The following ASTN2 variants were observed in gnomAD, a reference collection of about 807,000 sequenced individuals.
ASTN2 encodes astrotactin 2, also known as astrotactin-2.
In ASTN2, 54 loss-of-function variants were observed where a neutral mutation model predicts 139.8. The ratio of observed to expected loss-of-function variants is 0.39; its 90% CI spans 0.31 to 0.48. The LOEUF is 0.48. Among genes scored for constraint, ASTN2 ranks in the 20% least tolerant of loss-of-function variants. ASTN2 has a pLI of 0.95. For missense variants in ASTN2, 1,565 were observed against 1,725.1 expected, an observed-to-expected ratio of 0.91 and a Z score of 1.64; for synonymous variants, 756 against 719.5, an observed-to-expected ratio of 1.05 and a Z score of -0.81.
chr9:116,896,016 T>C (rs181038919), intron 10 of ASTN2, among the ~76,000 whole-genome samples: 4 of 152,120 alleles, frequency 2.6e-5, no homozygotes, highest in African/African-American at 9.7e-5. Flanking sequence ...GACAAACAAA[T>C]AAACAAATAG....
intron 3 of ASTN2, among the ~76,000 whole-genome samples, chr9:117,161,856 TTC>T (rs1217656740): frequency 9.4e-6 from 1 of 106,124 alleles, no homozygotes; most frequent in Non-Finnish European, 2.2e-5. Flanking sequence ...TCACACATTT[TTC>T]TTTTTCTTTT....
At chr9:116,500,728 T>C (rs987617537) in intron 19 of ASTN2, among the ~76,000 whole-genome samples, 2 of 152,198 alleles carry the variant, frequency 1.3e-5, no homozygotes, top group African/African-American at 4.8e-5. Flanking sequence ...AATGTGAAAA[T>C]ATCTATCTCT....
intron 16 of ASTN2, among the ~76,000 whole-genome samples, chr9:116,704,079 C>T (rs141857593): frequency 6.1e-4 from 93 of 152,266 alleles, no homozygotes; most frequent in African/African-American, 2.1e-3. Context: ...AGAAGATCAC[C>T]GGCCTTGAAG....
chr9:117,051,795 G>A (rs1006557305), intron 5 of ASTN2, among the ~76,000 whole-genome samples: 34 of 152,226 alleles, frequency 2.2e-4, no homozygotes, highest in Non-Finnish European at 3.1e-4. Flanking sequence ...GGACAGCCAC[G>A]TTCACAGTCA....
intron 10 of ASTN2, among the ~76,000 whole-genome samples, chr9:116,871,960 C>T (rs867713548): frequency 7.9e-5 from 12 of 152,182 alleles, no homozygotes; most frequent in Middle Eastern, 3.4e-3. Context: ...CAGTATGAGA[C>T]CTTGGGCAAG....
At chr9:117,211,196 G>C (rs1457846650) in intron 3 of ASTN2, among the ~76,000 whole-genome samples, 2 of 152,022 alleles carry the variant, frequency 1.3e-5, no homozygotes, top group African/African-American at 2.4e-5. Flanking sequence ...GCAACAGAAA[G>C]AAATGACAAA....
intron 1 of ASTN2, among the ~76,000 whole-genome samples, chr9:117,356,076 C>T (rs867777250): frequency 2.0e-4 from 31 of 152,110 alleles, no homozygotes; most frequent in Admixed American, 1.4e-3. Context: ...AATTCATTGC[C>T]GTCATCCCCA....
intron 16 of ASTN2, among the ~76,000 whole-genome samples, chr9:116,706,913 G>C (rs1450638637): frequency 3.3e-5 from 5 of 151,948 alleles, no homozygotes; most frequent in Admixed American, 2.6e-4. Flanking sequence ...TTAAGAACAA[G>C]AATAAAGTGG....
chr9:117,199,313 G>T (rs536904956), intron 3 of ASTN2, among the ~76,000 whole-genome samples: 59 of 152,164 alleles, frequency 3.9e-4, no homozygotes, highest in Non-Finnish European at 7.6e-4. Context: ...TTTGTATAAG[G>T]TGTAAGGAAG....
intron 7 of ASTN2, among the ~76,000 whole-genome samples, chr9:116,997,253 C>T (rs1431360719): frequency 4.6e-5 from 7 of 152,094 alleles, no homozygotes; most frequent in East Asian, 3.9e-4. Flanking sequence ...TTTGCAGGCT[C>T]CCTGAAATTT....
At chr9:116,460,863 G>A (rs568341399) in intron 20 of ASTN2, among the ~76,000 whole-genome samples, 68 of 152,238 alleles carry the variant, frequency 4.5e-4, no homozygotes, top group South Asian at 1.5e-3. Context: ...ATTCTGTAGC[G>A]TAGATAAGAT....
intron 3 of ASTN2, among the ~76,000 whole-genome samples, chr9:117,199,606 T>C (rs1831633827): frequency 1.3e-5 from 2 of 151,840 alleles, no homozygotes; most frequent in African/African-American, 2.4e-5. Flanking sequence ...CTTGGCTACA[T>C]GGGTTCTTCT....
At chr9:116,580,025 T>C (rs1156568322) in intron 19 of ASTN2, among the ~76,000 whole-genome samples, 18 of 152,172 alleles carry the variant, frequency 1.2e-4, no homozygotes, top group Admixed American at 1.2e-3. Context: ...TTTCACCATG[T>C]TGATCAGGTT....
At chr9:116,742,143 C>A (rs1248433876) in intron 13 of ASTN2, among the ~76,000 whole-genome samples, 1 of 152,180 alleles carries the variant, frequency 6.6e-6, no homozygotes, top group African/African-American at 2.4e-5. Context: ...GTTTTTCATT[C>A]TCCGGAAATC....
chr9:117,206,071 T>C (rs973220637), intron 3 of ASTN2, among the ~76,000 whole-genome samples: 6 of 152,150 alleles, frequency 3.9e-5, no homozygotes, highest in Non-Finnish European at 7.4e-5. Context: ...AGATGCATGA[T>C]AAGAGACACC....
intron 2 of ASTN2, chr9:117,277,203 A>ACCT (rs2133135697): frequency 6.6e-6 from 1 of 152,122 alleles, no homozygotes; most frequent in East Asian, 1.9e-4. Context: ...CCCTGCTAGA[A>ACCT]CCTCCAAACA....
chr9:116,780,610 T>A (rs1443591844), intron 13 of ASTN2, among the ~76,000 whole-genome samples: 1 of 152,092 alleles, frequency 6.6e-6, no homozygotes, highest in East Asian at 1.9e-4. Context: ...TGAAGGGGGC[T>A]TAGGATTGAG....
At chr9:117,344,992 G>A (rs1176795911) in intron 1 of ASTN2, among the ~76,000 whole-genome samples, 7 of 152,054 alleles carry the variant, frequency 4.6e-5, no homozygotes, top group Non-Finnish European at 1.0e-4. Context: ...TTTTCTCCCT[G>A]GGGCATGAAC....
At chr9:116,883,026 G>A (rs1003614990) in intron 10 of ASTN2, among the ~76,000 whole-genome samples, 2 of 152,154 alleles carry the variant, frequency 1.3e-5, no homozygotes, top group Non-Finnish European at 2.9e-5. Flanking sequence ...TTGACCAAGT[G>A]ATCACAGTAA....
Sources: gnomAD v4.1 joint callset for allele counts (sites outside exome capture counted in the v4.1 genomes callset) on GRCh38, gnomAD v4.1.1 for gene constraint, MANE v1.5 for transcripts, NCBI Gene and HGNC (gene_info 2026-07-23, HGNC 2026-07-21) for gene names.